The following JAKMIP1 variants were observed in gnomAD, a reference collection of about 807,000 sequenced individuals.
JAKMIP1 encodes the protein janus kinase and microtubule-interacting protein 1.
In JAKMIP1, 33 loss-of-function variants were observed where a neutral mutation model predicts 113.0. The ratio of observed to expected loss-of-function variants is 0.29; its 90% CI spans 0.22 to 0.39. JAKMIP1 has a LOEUF of 0.39. Among genes scored for constraint, JAKMIP1 ranks in the 10% least tolerant of loss-of-function variants. The probability of loss-of-function intolerance (pLI) is 1.00; values close to 1 mark genes in which losing one functional copy is unlikely to be tolerated. For synonymous variants in JAKMIP1, 480 were observed against 459.9 expected (o/e 1.04, Z -0.56); for missense variants, 813 against 1,080.5 (o/e 0.75, Z 3.47).
At position 6,150,736 on chromosome 4, in the gene JAKMIP1, G is replaced by A. The variant is rs748784923; in HGVS notation, c.-147-37739C>T. On this transcript the variant is annotated intron_variant, in intron 1 of 20. Transcript: ENST00000409021. The surrounding 1 kb of genome is among the most constrained non-coding windows in gnomAD (Gnocchi z 4.8). ...AGGAAGAAAAATCTTTTAAAAGCAC[G>A]TTAAAAGGCAGGCCTCTAAAATCAG... Among the ~76,000 whole-genome samples the A allele has an allele frequency of 6.6e-6, 1 of 152,122 alleles. No homozygotes were observed. The highest frequency in any genetic ancestry group is 1.5e-5 in the Non-Finnish European group (1 of 68,022).
rs548657428 is a variant in JAKMIP1 at position 6,059,315 on chromosome 4, C to A, written c.1644+1109G>T. On this transcript the variant is annotated intron_variant, in intron 11 of 20. Coordinates refer to ENST00000409021, the MANE Select transcript of JAKMIP1 (RefSeq NM_001099433.2). The surrounding 1 kb of genome is among the most constrained non-coding windows in gnomAD (Gnocchi z 4.8). Reference sequence around the variant, plus strand: ...TGGGAACCTCAGTCTCAACCCCGAGCCCTGCGGCAGCCATTCTGAGCTGCC... The same window carrying A: ...TGGGAACCTCAGTCTCAACCCCGAGACCTGCGGCAGCCATTCTGAGCTGCC... Among the ~76,000 whole-genome samples the A allele has an allele frequency of 6.6e-6, 1 of 152,204 alleles. No individual in the cohort carries two copies. Among genetic ancestry groups the A allele is most frequent in the African/African-American group, 2.4e-5 (1 of 41,456 alleles).
At chr4:6,029,209 C>G (rs73071563) in intron 20 of JAKMIP1, among the ~76,000 whole-genome samples, 2,142 of 152,330 alleles carry the variant, frequency 0.014, 43 homozygotes, top group African/African-American at 0.045. Context: ...ATAAAATGGG[C>G]ATCATGGTAA....
Position 6,109,164 on chromosome 4 carries a change from G to T in JAKMIP1, c.130-3197C>A, listed in dbSNP as rs576047331. On this transcript the variant is annotated intron_variant, in intron 2 of 20. Transcript: ENST00000409021. ...TTTTTTTTTTTTGAGTCGGAGTCTC[G>T]CTCTGTCCCCCAGGCTGGAGTGCAG... Among the ~76,000 whole-genome samples, 194 of 119,798 alleles carry T rather than the reference G, an allele frequency of 1.6e-3. 2 individuals carry two copies. The highest frequency in any genetic ancestry group is 0.015 in the South Asian group (54 of 3,648). The allele number at this position is 119,798 out of a possible 152,430, so 78.6% of individuals were successfully genotyped here.
At position 6,093,695 on chromosome 4, in the gene JAKMIP1, T is replaced by A. The variant is rs979379336; in HGVS notation, c.625-8066A>T. The stretch of plus-strand genomic sequence containing the variant: ...TGTATTACAATGAATGATGTCCACC[T>A]GTACAGGGAGGTGTGGCTGCCGTGC... On this transcript the variant is annotated intron_variant, in intron 3 of 20. Transcript: ENST00000409021. This position sits in a 1 kb window ranked among gnomAD's most constrained non-coding sequence, Gnocchi z 4.6. Among the ~76,000 whole-genome samples the A allele has an allele frequency of 6.6e-6, 1 of 152,184 alleles. No individual in the cohort carries two copies. Among genetic ancestry groups the A allele is most frequent in the African/African-American group, 2.4e-5 (1 of 41,444 alleles).
chr4:6,133,117 A>C (rs1718746595), intron 1 of JAKMIP1, among the ~76,000 whole-genome samples: 1 of 152,232 alleles, frequency 6.6e-6, no homozygotes, highest in Non-Finnish European at 1.5e-5. Flanking sequence ...TAATGAAATA[A>C]TATGGCCCAA....
At chr4:6,104,410 A>AT (rs1713571184) in intron 3 of JAKMIP1, among the ~76,000 whole-genome samples, 2 of 152,110 alleles carry the variant, frequency 1.3e-5, no homozygotes, top group Non-Finnish European at 2.9e-5. Flanking sequence ...TTGACCCTTT[A>AT]TTATTAAGAA....
At position 6,129,519 on chromosome 4, in the gene JAKMIP1, G is replaced by A. The variant is rs1400296399; in HGVS notation, c.-147-16522C>T. On this transcript the variant is annotated intron_variant, in intron 1 of 20. Transcript: ENST00000409021. The surrounding 1 kb of genome is among the most constrained non-coding windows in gnomAD (Gnocchi z 5.4). Reference sequence around the variant, plus strand: ...TCTGTTCAGCACAAGTTTGTGCCATGTCTCCTGAAAGCCAGGTGCCATGCT... The same window carrying A: ...TCTGTTCAGCACAAGTTTGTGCCATATCTCCTGAAAGCCAGGTGCCATGCT... Among the ~76,000 whole-genome samples the A allele has an allele frequency of 1.3e-5, 2 of 152,120 alleles. No individual in the cohort carries two copies. Among genetic ancestry groups the A allele is most frequent in the Admixed American group, 6.5e-5 (1 of 15,276 alleles).
In JAKMIP1 at chr4:6,167,688, T is replaced by A. The variant is rs1723808002; in HGVS notation, c.-148+32565A>T. 6.6e-6 allele frequency among the ~76,000 whole-genome samples: 1 copy of A among 152,192 alleles called. No homozygotes were observed. The highest frequency in any genetic ancestry group is 6.5e-5 in the Admixed American group (1 of 15,274). ...GGCACTGAGCTTAGAGTGACACGTG[T>A]CAGCTCCCTCCACCCCACCATGAAT... On this transcript the variant is annotated intron_variant, in intron 1 of 20. Transcript: ENST00000409021. The surrounding 1 kb of genome is among the most constrained non-coding windows in gnomAD (Gnocchi z 5.3).
At position 6,042,974 on chromosome 4, in the gene JAKMIP1, G is replaced by C. The variant is rs1246174037; in HGVS notation, c.2029-747C>G. ...ACGTTCCCTCTGGGGTCTGGGCTGG[G>C]GGTGAGCACGGAGGCAGGTGTCATA... On this transcript the variant is annotated intron_variant, in intron 16 of 20. Coordinates refer to ENST00000409021, the MANE Select transcript of JAKMIP1 (RefSeq NM_001099433.2). This position sits in a 1 kb window ranked among gnomAD's most constrained non-coding sequence, Gnocchi z 5.2. Among the ~76,000 whole-genome samples, 2 of 152,052 alleles carry C rather than the reference G, an allele frequency of 1.3e-5. No individual in the cohort carries two copies. Among genetic ancestry groups the C allele is most frequent in the Admixed American group, 1.3e-4 (2 of 15,286 alleles).
rs1283686868 is a variant in JAKMIP1, at chr4:6,141,105, G to A, written c.-147-28108C>T. ...TCAGTCAGTCACTACCATCCTAATT[G>A]TATCGCGTAGAATGAGAAGCAGCTA... On this transcript the variant is annotated intron_variant, in intron 1 of 20. Transcript: ENST00000409021. The surrounding 1 kb of genome is among the most constrained non-coding windows in gnomAD (Gnocchi z 9.4). Among the ~76,000 whole-genome samples the A allele has an allele frequency of 6.6e-6, 1 of 152,198 alleles. No homozygotes were observed. The highest frequency in any genetic ancestry group is 2.4e-5 in the African/African-American group (1 of 41,424).
Position 6,192,006 on chromosome 4 carries a change from C to T in JAKMIP1, c.-148+8247G>A, listed in dbSNP as rs1376572729. On this transcript the variant is annotated intron_variant, in intron 1 of 20. Coordinates refer to ENST00000409021, the MANE Select transcript of JAKMIP1 (RefSeq NM_001099433.2). This position sits in a 1 kb window ranked among gnomAD's most constrained non-coding sequence, Gnocchi z 5.0. ...GGAGTGCAATGGCCCAATCTTGGCT[C>T]ATTACAACCTCCGCCTCCCGGGTTT... Among the ~76,000 whole-genome samples the T allele has an allele frequency of 4.0e-5, 6 of 151,830 alleles. 1 individual carries two copies. In the South Asian group the frequency reaches 1.0e-3, roughly 26 times the overall value.
At chr4:6,048,813 AAGC>A (rs1715309445) in intron 16 of JAKMIP1, 41 bp downstream of exon 16, 1 of 1,527,244 alleles carries the variant, frequency 6.5e-7, no homozygotes, top group Non-Finnish European at 9.1e-7. Context: ...TGGTGCTGGG[AAGC>A]TGGGACAAGG....
chr4:6,119,606 T>C (rs982618322), intron 1 of JAKMIP1, among the ~76,000 whole-genome samples: 1 of 152,044 alleles, frequency 6.6e-6, no homozygotes, highest in Non-Finnish European at 1.5e-5. Flanking sequence ...GTCAGCACTT[T>C]GTTTAATGCC....
In JAKMIP1 at chr4:6,062,324, C is replaced by T; in HGVS notation, c.1548G>A (p.Glu516=). ...TGGCTGCACTCACCCGGGCCTCCCT[C>T]TCAGCGTCCAGCGTGCCTCCCACCT... The part of the protein sequence containing the change: ...QEQVGGTLDA[E]REARTREQLQ... The change falls in exon 10 of 21, where the codon GAG becomes GAA. Residue 516 remains glutamate, a synonymous_variant. Transcript: ENST00000409021. The T allele has an allele frequency of 6.2e-7, 1 of 1,612,878 alleles. No homozygotes were observed. The highest frequency in any genetic ancestry group is 8.5e-7 in the Non-Finnish European group (1 of 1,179,950).
chr4:6,143,829 A>G lies in JAKMIP1; in HGVS notation c.-147-30832T>C, dbSNP rs1720486250. Among the ~76,000 whole-genome samples the G allele has an allele frequency of 6.6e-6, 1 of 152,240 alleles. No individual in the cohort carries two copies. The highest frequency in any genetic ancestry group is 1.5e-5 in the Non-Finnish European group (1 of 68,042). On this transcript the variant is annotated intron_variant, in intron 1 of 20. Coordinates refer to ENST00000409021, the MANE Select transcript of JAKMIP1 (RefSeq NM_001099433.2). This position sits in a 1 kb window ranked among gnomAD's most constrained non-coding sequence, Gnocchi z 4.9. ...GAAAAAAGAACAATTTCTGGTCATC[A>G]GGGAATAACAGAAGGCTTGTAGGAC...
Position 6,068,558 on chromosome 4 carries a change from C to CTTT in JAKMIP1, c.1303-3553_1303-3551dup, listed in dbSNP as rs35726105. ...CTGGGTATTTTTAAAAATTTTTTAA[C>CTTT]TTTTTTTTTTTTTTTTTGAGACAGA... On this transcript the variant is annotated intron_variant, in intron 8 of 20. Transcript: ENST00000409021. 1.0e-3 allele frequency among the ~76,000 whole-genome samples: 142 copies of CTTT among 136,284 alleles called. 1 individual carries two copies. The highest frequency in any genetic ancestry group is 3.7e-3 in the Middle Eastern group (1 of 270). 89.4% of individuals were successfully genotyped at this position (136,284 alleles called of 152,430 possible).
At chr4:6,133,905 T>C (rs1578339064) in intron 1 of JAKMIP1, among the ~76,000 whole-genome samples, 1 of 152,204 alleles carries the variant, frequency 6.6e-6, no homozygotes, top group Admixed American at 6.5e-5. Context: ...TGCATTGAGA[T>C]GGTTGGATGA....
rs931425956 is a variant in JAKMIP1, at chr4:6,150,006, C to T, written c.-147-37009G>A. Among the ~76,000 whole-genome samples the T allele has an allele frequency of 3.9e-5, 6 of 152,188 alleles. No homozygotes were observed. Among genetic ancestry groups the T allele is most frequent in the Non-Finnish European group, 8.8e-5 (6 of 68,026 alleles). Reference sequence around the variant, plus strand: ...ACGTCACCCGCCAATTCCAAATCTCCCCTTGCCTAAATCTCACATCCTCCA... The same window carrying T: ...ACGTCACCCGCCAATTCCAAATCTCTCCTTGCCTAAATCTCACATCCTCCA... On this transcript the variant is annotated intron_variant, in intron 1 of 20. Coordinates refer to ENST00000409021, the MANE Select transcript of JAKMIP1 (RefSeq NM_001099433.2). This position sits in a 1 kb window ranked among gnomAD's most constrained non-coding sequence, Gnocchi z 4.8.
rs1211162123 is a variant in JAKMIP1 at position 6,168,196 on chromosome 4, T to C, written c.-148+32057A>G. Among the ~76,000 whole-genome samples the C allele has an allele frequency of 6.6e-6, 1 of 152,202 alleles. No individual in the cohort carries two copies. Among genetic ancestry groups the C allele is most frequent in the Non-Finnish European group, 1.5e-5 (1 of 68,046 alleles). ...CCTTTATGCATTGCTGGTGGGGTCA[T>C]GAAATGATGCAGCCACTTTGGAAAA... On this transcript the variant is annotated intron_variant, in intron 1 of 20. Transcript: ENST00000409021. This position sits in a 1 kb window ranked among gnomAD's most constrained non-coding sequence, Gnocchi z 4.6.
Sources: allele counts gnomAD v4.1 joint callset (sites outside exome capture counted in the v4.1 genomes callset), GRCh38; gene constraint gnomAD v4.1.1; non-coding constraint Gnocchi (gnomAD v3.1); transcripts MANE v1.5; gene names NCBI Gene and HGNC (gene_info 2026-07-23, HGNC 2026-07-21).